The following DAB1 variants were observed in gnomAD, a reference collection of about 807,000 sequenced individuals.
DAB1 encodes disabled homolog 1.
Under a neutral mutation model 64.6 loss-of-function variants are expected in DAB1, and 15 were observed. The observed-to-expected ratio is 0.23, with a 90% CI of 0.16 to 0.36. DAB1 has a LOEUF of 0.36. Ranked by LOEUF, DAB1 falls within the 10% of genes least tolerant of loss-of-function variation. DAB1 has a pLI of 1.00. For synonymous variants in DAB1, 235 were observed against 251.9 expected (o/e 0.93, Z 0.64); for missense variants, 596 against 706.7 (o/e 0.84, Z 1.78).
intron 7 of DAB1, among the ~76,000 whole-genome samples, chr1:57,594,672 G>A (rs942589738): frequency 9.9e-5 from 15 of 152,102 alleles, no homozygotes; most frequent in Non-Finnish European, 1.5e-5. Context: ...AAGACGTTTA[G>A]GGGATCAGAA....
rs551272966 is a variant in DAB1 at position 58,538,731 on chromosome 1, G to A, written n.32+7972C>T. 23 of 682,288 alleles carry A rather than the reference G, an allele frequency of 3.4e-5. No individual in the cohort carries two copies. The East Asian group carries it at 4.4e-4, about 13-fold the overall frequency. The allele number at this position is 682,288 out of a possible 1,614,324, so 42.3% of individuals were successfully genotyped here. On this transcript the variant is annotated intron_variant and non_coding_transcript_variant, in intron 1 of 20. Transcript: ENST00000485760. ...AAAATTAATTTCTAAAAGTTAATACGTTAGCACAAAATATTAATGCAAAAA... is the reference window on the plus strand; with the variant it reads ...AAAATTAATTTCTAAAAGTTAATACATTAGCACAAAATATTAATGCAAAAA...
chr1:57,574,175 G>A (rs935662339), intron 7 of DAB1, among the ~76,000 whole-genome samples: 1 of 152,160 alleles, frequency 6.6e-6, no homozygotes, highest in Non-Finnish European at 1.5e-5. Context: ...AGAGGTCCCT[G>A]GGGAGAAGGC....
chr1:58,223,691 G>A (rs1659305666), intron 4 of DAB1, among the ~76,000 whole-genome samples: 1 of 152,152 alleles, frequency 6.6e-6, no homozygotes, highest in Non-Finnish European at 1.5e-5. Flanking sequence ...GGCAGAACTA[G>A]ATCTGATAAA....
At chr1:57,906,005 G>A (rs1644545638) in intron 5 of DAB1, among the ~76,000 whole-genome samples, 1 of 152,102 alleles carries the variant, frequency 6.6e-6, no homozygotes, top group Admixed American at 6.6e-5. Context: ...TCTCGACTGG[G>A]GCACAATACT....
intron 5 of DAB1, among the ~76,000 whole-genome samples, chr1:57,894,759 G>A (rs1644369138): frequency 6.6e-6 from 1 of 152,176 alleles, no homozygotes; most frequent in South Asian, 2.1e-4. Context: ...AAAAGGGAAA[G>A]GATCAGTCAG....
chr1:57,923,999 T>C (rs555647327), intron 5 of DAB1, among the ~76,000 whole-genome samples: 1 of 152,348 alleles, frequency 6.6e-6, no homozygotes, highest in Admixed American at 6.5e-5. Context: ...GCAAGTAGCT[T>C]TTTTTCTATG....
intron 7 of DAB1, among the ~76,000 whole-genome samples, chr1:57,649,167 G>A (rs1202507318): frequency 1.3e-5 from 2 of 152,248 alleles, no homozygotes; most frequent in African/African-American, 4.8e-5. Context: ...ATTTTCCACA[G>A]TTGAGAATAG....
Position 58,372,145 on chromosome 1 carries a change from C to T in DAB1, n.258-28742G>A, listed in dbSNP as rs181274128. Among the ~76,000 whole-genome samples, 197 of 152,322 alleles carry T rather than the reference C, an allele frequency of 1.3e-3. 2 individuals are homozygous for T. The highest frequency in any genetic ancestry group is 7.0e-3 in the South Asian group (34 of 4,826). On this transcript the variant is annotated intron_variant and non_coding_transcript_variant, in intron 3 of 20. Transcript: ENST00000485760. ...ACTTGGAAAAACCACAGGCACCCAACGCCAGGCAATGAAAGCAGCTGCAGG... is the reference window on the plus strand; with the variant it reads ...ACTTGGAAAAACCACAGGCACCCAATGCCAGGCAATGAAAGCAGCTGCAGG...
chr1:57,891,446 G>A (rs926663271), intron 5 of DAB1, among the ~76,000 whole-genome samples: 2 of 152,202 alleles, frequency 1.3e-5, no homozygotes, highest in Non-Finnish European at 2.9e-5. Flanking sequence ...GGAAGAAAGT[G>A]TGGTGATTGC....
chr1:57,543,814 A>G (rs546149862), intron 7 of DAB1, among the ~76,000 whole-genome samples: 313 of 152,336 alleles, frequency 2.1e-3, no homozygotes, highest in Non-Finnish European at 3.1e-3. Context: ...CATTAAAAAG[A>G]ACATATAGCC....
At chr1:57,441,820 G>C (rs759363539) in intron 7 of DAB1, among the ~76,000 whole-genome samples, 3 of 152,170 alleles carry the variant, frequency 2.0e-5, no homozygotes, top group Non-Finnish European at 4.4e-5. Flanking sequence ...TGGGATTGCT[G>C]GGCCAAATGG....
intron 6 of DAB1, among the ~76,000 whole-genome samples, chr1:57,720,869 T>A (rs1407118842): frequency 3.3e-5 from 5 of 152,194 alleles, no homozygotes; most frequent in African/African-American, 1.2e-4. Flanking sequence ...TCAGTCAAAG[T>A]AGGAAAATCA....
chr1:57,496,666 C>G (rs564155893), intron 7 of DAB1, among the ~76,000 whole-genome samples: 7 of 152,254 alleles, frequency 4.6e-5, no homozygotes, highest in African/African-American at 1.7e-4. Context: ...TTCTCCTTAT[C>G]AAATCACATT....
chr1:57,202,280 A>T (rs780255068), intron 2 of DAB1, among the ~76,000 whole-genome samples: 9 of 152,246 alleles, frequency 5.9e-5, no homozygotes, highest in Non-Finnish European at 1.2e-4. Context: ...TACATTTTGC[A>T]TACATAAAAA....
intron 3 of DAB1, among the ~76,000 whole-genome samples, chr1:58,404,189 T>G (rs1644595980): frequency 6.6e-6 from 1 of 152,116 alleles, no homozygotes; most frequent in South Asian, 2.1e-4. Context: ...GGGGACCTAC[T>G]CAGAATGCAG....
At chr1:58,344,408 T>C (rs1165861461) in intron 3 of DAB1, among the ~76,000 whole-genome samples, 1 of 152,110 alleles carries the variant, frequency 6.6e-6, no homozygotes, top group Non-Finnish European at 1.5e-5. Flanking sequence ...AGGGACATAA[T>C]TGGTATAACT....
intron 2 of DAB1, among the ~76,000 whole-genome samples, chr1:57,218,566 G>A (rs908097577): frequency 2.7e-5 from 4 of 148,752 alleles, no homozygotes; most frequent in South Asian, 4.2e-4. Context: ...AGCCAGGTGC[G>A]GTGATGATGC....
chr1:58,358,713 A>C (rs986703737), intron 3 of DAB1, among the ~76,000 whole-genome samples: 1 of 152,180 alleles, frequency 6.6e-6, no homozygotes, highest in African/African-American at 2.4e-5. Flanking sequence ...TTAAAATAGC[A>C]CCATCAAATA....
intron 6 of DAB1, among the ~76,000 whole-genome samples, chr1:57,792,604 G>A (rs2897364): frequency 0.15 from 23,402 of 152,088 alleles, 2,342 homozygotes; most frequent in Admixed American, 0.31. Context: ...CTGAGGTGTC[G>A]CCTTTGTTTT....
Sources: gnomAD v4.1 joint callset for allele counts (sites outside exome capture counted in the v4.1 genomes callset) on GRCh38, gnomAD v4.1.1 for gene constraint, MANE v1.5 for transcripts, NCBI Gene and HGNC (gene_info 2026-07-23, HGNC 2026-07-21) for gene names.